SH3BP4: variants seen among roughly 807,000 people sequenced by gnomAD.
SH3BP4 encodes the protein SH3 domain binding protein 4.
A neutral mutation model predicts 65.5 loss-of-function variants in SH3BP4; 33 were observed. That is an observed-to-expected ratio of 0.50 (90% CI 0.38 to 0.67). The LOEUF (loss-of-function observed/expected upper bound fraction) is 0.67. Ranked by LOEUF, SH3BP4 falls within the 30% of genes least tolerant of loss-of-function variation. The pLI is 0.00. For missense variants in SH3BP4, 1,134 were observed against 1,261.4 expected (o/e 0.90, Z 1.53); for synonymous variants, 552 against 545.5 (o/e 1.01, Z -0.17).
chr2:234,987,326 G>GAA (rs80291215), intron 1 of SH3BP4, among the ~76,000 whole-genome samples: 8 of 139,102 alleles, frequency 5.8e-5, no homozygotes, highest in Non-Finnish European at 9.3e-5. Context: ...ATATTTCAAA[G>GAA]AAAAAAAAAA....
chr2:234,953,763 G>A (rs1692529237), intron 1 of SH3BP4, among the ~76,000 whole-genome samples: 1 of 152,064 alleles, frequency 6.6e-6, no homozygotes, highest in African/African-American at 2.4e-5. Flanking sequence ...TGGCCGTCCT[G>A]CCCAGGAAAC....
chr2:235,044,898 G>T (rs1695794396), intron 4 of SH3BP4, among the ~76,000 whole-genome samples: 1 of 152,242 alleles, frequency 6.6e-6, no homozygotes, highest in East Asian at 1.9e-4. Flanking sequence ...CCAGGGGAGG[G>T]AGATGGAACT....
chr2:235,008,283 T>C (rs1694365961), intron 2 of SH3BP4, among the ~76,000 whole-genome samples: 1 of 151,966 alleles, frequency 6.6e-6, no homozygotes, highest in African/African-American at 2.4e-5. Context: ...GGACAGCCCC[T>C]TGGTGGGAGG....
chr2:235,044,126 T>A (rs2106337188), intron 4 of SH3BP4, among the ~76,000 whole-genome samples: 1 of 152,300 alleles, frequency 6.6e-6, no homozygotes, highest in South Asian at 2.1e-4. Context: ...TAATGTGAGT[T>A]TTTCTTGCCT....
intron 1 of SH3BP4, among the ~76,000 whole-genome samples, chr2:234,982,424 C>T (rs925519480): frequency 1.3e-5 from 2 of 152,152 alleles, no homozygotes; most frequent in African/African-American, 2.4e-5. Context: ...TAGTGTGCAG[C>T]TCGTAAATGG....
intron 1 of SH3BP4, among the ~76,000 whole-genome samples, chr2:234,992,096 G>C (rs1232174587): frequency 6.6e-6 from 1 of 152,248 alleles, no homozygotes; most frequent in Non-Finnish European, 1.5e-5. Flanking sequence ...ATCCAAAAAT[G>C]TGAAAATAAT....
intron 1 of SH3BP4, among the ~76,000 whole-genome samples, chr2:234,993,127 G>T (rs370400062): frequency 9.2e-5 from 14 of 152,230 alleles, no homozygotes; most frequent in Admixed American, 8.5e-4. Context: ...CCTGCCTTGG[G>T]CTTGTCTCAG....
In SH3BP4 at chr2:234,976,856, A is replaced by C. The variant is rs533378534; in HGVS notation, c.-206-18447A>C. 1.3e-5 allele frequency among the ~76,000 whole-genome samples: 2 copies of C among 152,162 alleles called. No individual in the cohort carries two copies. The highest frequency in any genetic ancestry group is 2.9e-5 in the Non-Finnish European group (2 of 68,034). On this transcript the variant is annotated intron_variant, in intron 1 of 5. Transcript: ENST00000392011. The surrounding 1 kb of genome is among the most constrained non-coding windows in gnomAD (Gnocchi z 4.7). ...CTGGGGAGATGCCCTAGCCAAGAGGAGCTTAAAGAGACACGACACCTAATG... is the reference window on the plus strand; with the variant it reads ...CTGGGGAGATGCCCTAGCCAAGAGGCGCTTAAAGAGACACGACACCTAATG...
chr2:235,048,322 A>AAAT (rs1236689536), intron 4 of SH3BP4, among the ~76,000 whole-genome samples: 1 of 152,110 alleles, frequency 6.6e-6, no homozygotes, highest in Non-Finnish European at 1.5e-5. Flanking sequence ...TGTACTTTAT[A>AAAT]AGAGTATTTT....
At chr2:234,970,060 TACAC>T (rs1210932438) in intron 1 of SH3BP4, among the ~76,000 whole-genome samples, 4 of 131,492 alleles carry the variant, frequency 3.0e-5, no homozygotes, top group South Asian at 2.3e-4. Context: ...CACACACTCA[TACAC>T]ACACTCACAC....
At chr2:235,003,002 C>T (rs1399638684) in intron 2 of SH3BP4, among the ~76,000 whole-genome samples, 7 of 152,390 alleles carry the variant, frequency 4.6e-5, no homozygotes, top group African/African-American at 1.4e-4. Flanking sequence ...GTAACTTGAA[C>T]CTGGCTGCCA....
Position 234,952,538 on chromosome 2 carries a change from C to G in SH3BP4, c.-207+368C>G, listed in dbSNP as rs1559220950. On this transcript the variant is annotated intron_variant, in intron 1 of 5. Coordinates refer to ENST00000392011, the MANE Select transcript of SH3BP4 (RefSeq NM_014521.3). This position sits in a 1 kb window ranked among gnomAD's most constrained non-coding sequence, Gnocchi z 6.5. ...CTGCGGGGTGGCCTCCCTGGGCAAC[C>G]GGACGCGTCCTCGGGCGCAAATCGG... Among the ~76,000 whole-genome samples the G allele has an allele frequency of 6.6e-6, 1 of 151,612 alleles. No individual in the cohort carries two copies. The highest frequency in any genetic ancestry group is 2.0e-4 in the East Asian group (1 of 5,060).
At chr2:234,992,690 G>T (rs964381847) in intron 1 of SH3BP4, among the ~76,000 whole-genome samples, 1 of 145,910 alleles carries the variant, frequency 6.9e-6, no homozygotes, top group African/African-American at 2.5e-5. Context: ...CCTGGAGATG[G>T]ACGCATTCCT....
At chr2:234,993,766 A>G (rs941988673) in intron 1 of SH3BP4, among the ~76,000 whole-genome samples, 5 of 152,240 alleles carry the variant, frequency 3.3e-5, no homozygotes, top group Non-Finnish European at 7.3e-5. Flanking sequence ...GCAACATGGT[A>G]GACCCATTTC....
Position 235,041,527 on chromosome 2 carries a change from T to G in SH3BP4, c.758T>G (p.Leu253Arg), listed in dbSNP as rs1416105996. 2.5e-6 allele frequency: 4 copies of G among 1,614,006 alleles called. No homozygotes were observed. Among genetic ancestry groups the G allele is most frequent in the Non-Finnish European group, 1.7e-6 (2 of 1,180,046 alleles). ...RSYSLSELSV[L>R]QAKSDAPTSS... Reference sequence around the variant, plus strand: ...TACAGTCTCTCGGAACTCTCCGTCCTCCAAGCCAAGTCCGATGCTCCCACA... The same window carrying G: ...TACAGTCTCTCGGAACTCTCCGTCCGCCAAGCCAAGTCCGATGCTCCCACA... Residue 253 changes from leucine to arginine, a missense_variant, in exon 4 of 6, where the codon CTC (leucine) becomes CGC (arginine). By Grantham distance (102) the Leu-to-Arg change is moderately radical. Transcript: ENST00000392011. This position sits in a 1 kb window ranked among gnomAD's most constrained non-coding sequence, Gnocchi z 6.0.
At position 235,026,710 on chromosome 2, in the gene SH3BP4, C is replaced by T. The variant is rs999091046; in HGVS notation, c.-132-8161C>T. ...CAAACTCAGACTGGAACGTGTGGTCCTGCCCTCGTTCCTCATTTTTTCACC... is the reference window on the plus strand; with the variant it reads ...CAAACTCAGACTGGAACGTGTGGTCTTGCCCTCGTTCCTCATTTTTTCACC... On this transcript the variant is annotated intron_variant, in intron 2 of 5. Transcript: ENST00000392011. The surrounding 1 kb of genome is among the most constrained non-coding windows in gnomAD (Gnocchi z 4.6). Among the ~76,000 whole-genome samples, 1 of 152,172 alleles carries T rather than the reference C, an allele frequency of 6.6e-6. No individual in the cohort carries two copies. Among genetic ancestry groups the T allele is most frequent in the Non-Finnish European group, 1.5e-5 (1 of 68,036 alleles).
At chr2:235,021,003 T>G (rs1008311218) in intron 2 of SH3BP4, among the ~76,000 whole-genome samples, 13 of 152,310 alleles carry the variant, frequency 8.5e-5, no homozygotes, top group African/African-American at 2.6e-4. Flanking sequence ...AACATGATCC[T>G]ACTCATTTAT....
intron 4 of SH3BP4, among the ~76,000 whole-genome samples, chr2:235,051,495 T>G (rs1265041102): frequency 6.6e-6 from 1 of 152,218 alleles, no homozygotes; most frequent in African/African-American, 2.4e-5. Flanking sequence ...AGCAGGGCTG[T>G]CTGTCCTATT....
rs1328469907 is a variant in SH3BP4, at chr2:235,054,999, T to C, written c.*1183T>C. Reference sequence around the variant, plus strand: ...CAATGTAAAGATCATCTGAGCAAGATGAGCATTTTGTAAAAATGAAAATGT... The same window carrying C: ...CAATGTAAAGATCATCTGAGCAAGACGAGCATTTTGTAAAAATGAAAATGT... On this transcript the variant is annotated 3_prime_UTR_variant, in exon 6 of 6. Coordinates refer to ENST00000392011, the MANE Select transcript of SH3BP4 (RefSeq NM_014521.3). 1 of 152,242 alleles carries C rather than the reference T, an allele frequency of 6.6e-6. No individual in the cohort carries two copies. Among genetic ancestry groups the C allele is most frequent in the African/African-American group, 2.4e-5 (1 of 41,458 alleles). 9.4% of individuals were successfully genotyped at this position (152,242 alleles called of 1,614,324 possible).
Sources: gnomAD v4.1 joint callset for allele counts (sites outside exome capture counted in the v4.1 genomes callset) on GRCh38, gnomAD v4.1.1 for gene constraint, Gnocchi (gnomAD v3.1) non-coding constraint, MANE v1.5 for transcripts, NCBI Gene and HGNC (gene_info 2026-07-23, HGNC 2026-07-21) for gene names.